Variants in PRR35 observed in about 807,000 individuals in gnomAD.
PRR35 encodes proline rich 35.
A neutral mutation model predicts 18.6 loss-of-function variants in PRR35; 14 were observed. The ratio of observed to expected loss-of-function variants is 0.75; its 90% CI spans 0.50 to 1.18. The LOEUF is 1.18. PRR35 is among the 50% of genes most tolerant of loss of function. PRR35 has a pLI of 0.00. For synonymous variants in PRR35, 425 were observed against 378.2 expected (o/e 1.12, Z -1.43); for missense variants, 832 against 792.2 (o/e 1.05, Z -0.60).
Position 564,175 on chromosome 16 carries a change from C to A in PRR35, c.881C>A (p.Ser294Tyr). 6.4e-7 allele frequency: 1 copy of A among 1,564,050 alleles called. No homozygotes were observed. The highest frequency in any genetic ancestry group is 1.2e-5 in the South Asian group (1 of 85,900). ...GCCCCTGTCTCCCCCAGGAGCCCCTCTGGGACTCCGGCTCCTGGCCTGCTG... is the reference window on the plus strand; with the variant it reads ...GCCCCTGTCTCCCCCAGGAGCCCCTATGGGACTCCGGCTCCTGGCCTGCTG... Reference protein sequence around the residue: ...AKAPVSPRSPSGTPAPGLLKV... With the variant: ...AKAPVSPRSPYGTPAPGLLKV... Residue 294 changes from serine to tyrosine, a missense_variant, in exon 2 of 3, where the codon TCT becomes TAT. Ser to Tyr is a moderately radical substitution (Grantham distance 144). Around this residue, in one of 3 missense-constraint regions of PRR35, gnomAD observed 768 missense variants for 704.1 expected, o/e 1.09. Transcript: ENST00000409413.
Position 564,290 on chromosome 16 carries a change from T to A in PRR35, c.996T>A (p.Ser332Arg). The change falls in exon 2 of 3, where the codon AGT becomes AGA. Residue 332 changes from serine to arginine, a missense_variant. Ser to Arg is a moderately radical substitution (Grantham distance 110). Around this residue, in one of 3 missense-constraint regions of PRR35, gnomAD observed 768 missense variants for 704.1 expected, o/e 1.09. Coordinates refer to ENST00000409413, the MANE Select transcript of PRR35 (RefSeq NM_145270.3). ...QEGELERAAQSDPRRRLSLGS... is the reference protein window; with the variant it reads ...QEGELERAAQRDPRRRLSLGS... ...GGGAGCTGGAGCGGGCAGCCCAGAG[T>A]GACCCCAGGAGGAGGCTGTCCCTGG... 6.3e-7 allele frequency: 1 copy of A among 1,576,980 alleles called. No individual in the cohort carries two copies. The highest frequency in any genetic ancestry group is 8.6e-7 in the Non-Finnish European group (1 of 1,166,362).
At chr16:560,850 A>G (rs1224549737) in intron 1 of PRR35, 189 bp downstream of exon 1, 2 of 82,958 alleles carry the variant, frequency 2.4e-5, no homozygotes, top group African/African-American at 5.2e-5. Flanking sequence ...CCAGGCGGGG[A>G]GGGCAGGGGC....
rs1209356907 is a variant in PRR35 at position 564,215 on chromosome 16, A to C, written c.921A>C (p.Pro307=). 3.8e-6 allele frequency: 6 copies of C among 1,569,970 alleles called. No homozygotes were observed. In the South Asian group the frequency reaches 6.9e-5, roughly 18 times the overall value. ...CTGGCCTGCTGAAGGTGCCAGTTCC[A>C]GGGCTGGGGCCCTGGCCCCGAGTCA... ...PAPGLLKVPV[P]GLGPWPRVTP... is the part of the protein sequence containing the mutation. The change falls in exon 2 of 3, where the codon CCA becomes CCC. Residue 307 remains proline, a synonymous_variant. Coordinates refer to ENST00000409413, the MANE Select transcript of PRR35 (RefSeq NM_145270.3).
At position 563,580 on chromosome 16, in the gene PRR35, T is replaced by G. The variant is rs189489979; in HGVS notation, c.286T>G (p.Ser96Ala). Residue 96 changes from serine (S) to alanine (A), a missense_variant, in exon 2 of 3, where the codon TCC becomes GCC. Ser to Ala is a moderately conservative substitution (Grantham distance 99). Transcript: ENST00000409413. ...ACCCACCCCAGACCGCCCTGGGGAG[T>G]CCGACCCCGGCAGGCAACCCCAGGG... ...HAPTPDRPGESDPGRQPQGAR... is the reference protein window; with the variant it reads ...HAPTPDRPGEADPGRQPQGAR... 355 of 1,602,094 alleles carry G rather than the reference T, an allele frequency of 2.2e-4. No homozygotes were observed. In the African/African-American group the frequency reaches 3.9e-3, roughly 18 times the overall value.
chr16:563,973 C>G lies in PRR35; in HGVS notation c.679C>G (p.Leu227Val), dbSNP rs969860548. Residue 227 changes from leucine to valine, a missense_variant, in exon 2 of 3, where the codon CTG becomes GTG. Leu to Val is a conservative substitution (Grantham distance 32, BLOSUM62 1). Transcript: ENST00000409413. ...PGLFSYLGPS[L>V]AAAAHVPFLA... ...CCTCTTCTCCTACTTGGGGCCCTCA[C>G]TGGCCGCTGCAGCCCATGTGCCCTT... 8.7e-6 allele frequency: 14 copies of G among 1,600,692 alleles called. No homozygotes were observed. In the South Asian group the frequency reaches 1.0e-4, roughly 12 times the overall value.
chr16:565,332 T>C lies in PRR35; in HGVS notation c.*25T>C. The C allele has an allele frequency of 6.9e-7, 1 of 1,446,508 alleles. No homozygotes were observed. The highest frequency in any genetic ancestry group is 9.1e-7 in the Non-Finnish European group (1 of 1,099,326). 89.6% of individuals were successfully genotyped at this position (1,446,508 alleles called of 1,614,324 possible). A position where few individuals can be genotyped will look rare whatever the true frequency, so the allele number is the denominator to read the frequency against. ...ACCTGCAGCGCCTGAGGTCTGACTG[T>C]CTCTGCCTGCAGCATGCCGGCCCCT... On this transcript the variant is annotated 3_prime_UTR_variant, in exon 3 of 3. Coordinates refer to ENST00000409413, the MANE Select transcript of PRR35 (RefSeq NM_145270.3).
rs1229878558 is a variant in PRR35, at chr16:564,669, C to T, written c.1083-5C>T. ...GCGGCCTCCTGACCAGCTTCCACCCCACAGCCTGCCCACCGGCTCCTCTGT... is the reference window on the plus strand; with the variant it reads ...GCGGCCTCCTGACCAGCTTCCACCCTACAGCCTGCCCACCGGCTCCTCTGT... On this transcript the variant is annotated splice_region_variant and splice_polypyrimidine_tract_variant and intron_variant, in intron 2 of 2. Transcript: ENST00000409413. The T allele has an allele frequency of 2.0e-6, 3 of 1,521,154 alleles. No homozygotes were observed. 94.2% of individuals were successfully genotyped at this position (1,521,154 alleles called of 1,614,324 possible). A position where few individuals can be genotyped will look rare whatever the true frequency, so the allele number is the denominator to read the frequency against.
rs1425040404 is a variant in PRR35, at chr16:564,713, C to T, written c.1122C>T (p.Asp374=). ...CCTCTGTGATGCTGTGGCCTGAGGA[C>T]GGGGATCCAGGCGGCCCTGAGACCC... ...TGSSVMLWPE[D]GDPGGPETPG... is the part of the protein sequence containing the mutation. Residue 374 remains aspartate, a synonymous_variant, in exon 3 of 3, where the codon GAC becomes GAT. Coordinates refer to ENST00000409413, the MANE Select transcript of PRR35 (RefSeq NM_145270.3). 3.9e-5 allele frequency: 60 copies of T among 1,533,568 alleles called. No homozygotes were observed. Among genetic ancestry groups the T allele is most frequent in the Non-Finnish European group, 5.0e-5 (57 of 1,146,342 alleles). 95.0% of individuals were successfully genotyped at this position (1,533,568 alleles called of 1,614,324 possible). A position where few individuals can be genotyped will look rare whatever the true frequency, so the allele number is the denominator to read the frequency against.
Position 563,522 on chromosome 16 carries a change from C to T in PRR35, c.228C>T (p.Cys76=), listed in dbSNP as rs1394478748. The part of the protein sequence containing the change: ...SLLLDSPDWA[C]RRGSTTPRPH... Reference sequence around the variant, plus strand: ...TGCTAGACTCCCCAGACTGGGCGTGCCGCCGTGGCTCCACCACGCCTAGGC... The same window carrying T: ...TGCTAGACTCCCCAGACTGGGCGTGTCGCCGTGGCTCCACCACGCCTAGGC... The change falls in exon 2 of 3, where the codon TGC becomes TGT. Residue 76 remains cysteine, a synonymous_variant. Coordinates refer to ENST00000409413, the MANE Select transcript of PRR35 (RefSeq NM_145270.3). The T allele has an allele frequency of 6.2e-7, 1 of 1,611,760 alleles. No individual in the cohort carries two copies.
chr16:561,387 T>C (rs763680899), intron 1 of PRR35, among the ~76,000 whole-genome samples: 18 of 152,102 alleles, frequency 1.2e-4, no homozygotes, highest in Non-Finnish European at 2.2e-4. Context: ...GGGTGATCGA[T>C]GGCCCGGCAC....
chr16:563,817 G>T lies in PRR35; in HGVS notation c.523G>T (p.Ala175Ser). 1 of 1,506,676 alleles carries T rather than the reference G, an allele frequency of 6.6e-7. No individual in the cohort carries two copies. 93.3% of individuals were successfully genotyped at this position (1,506,676 alleles called of 1,614,324 possible). ...GMGGDPRGVG[A>S]GDMASAGPEG... Reference sequence around the variant, plus strand: ...GGGAGGGGACCCAAGGGGCGTGGGTGCGGGGGACATGGCCTCAGCAGGCCC... The same window carrying T: ...GGGAGGGGACCCAAGGGGCGTGGGTTCGGGGGACATGGCCTCAGCAGGCCC... Residue 175 changes from alanine (A) to serine (S), a missense_variant, in exon 2 of 3, where the codon GCG becomes TCG. Ala to Ser is a moderately conservative substitution (Grantham distance 99, BLOSUM62 1). Coordinates refer to ENST00000409413, the MANE Select transcript of PRR35 (RefSeq NM_145270.3).
Position 563,906 on chromosome 16 carries a change from C to A in PRR35, c.612C>A (p.Leu204=). The A allele has an allele frequency of 6.3e-7, 1 of 1,589,002 alleles. No homozygotes were observed. Among genetic ancestry groups the A allele is most frequent in the East Asian group, 2.3e-5 (1 of 43,232 alleles). Residue 204 remains leucine, a synonymous_variant, in exon 2 of 3, where the codon CTC becomes CTA. Coordinates refer to ENST00000409413, the MANE Select transcript of PRR35 (RefSeq NM_145270.3). ...APGEFPEAHS[L]HLSLLGVNYP... ...GGGAGTTCCCTGAGGCCCACAGCCTCCACCTGTCTCTGCTGGGCGTCAACT... is the reference window on the plus strand; with the variant it reads ...GGGAGTTCCCTGAGGCCCACAGCCTACACCTGTCTCTGCTGGGCGTCAACT...
At chr16:561,623 C>T (rs1468074986) in intron 1 of PRR35, 32 of 591,508 alleles carry the variant, frequency 5.4e-5, no homozygotes, top group Admixed American at 3.2e-4. Flanking sequence ...CCCTGCAGCC[C>T]GTGACTGCCC....
rs764156179 is a variant in PRR35 at position 563,588 on chromosome 16, C to A, written c.294C>A (p.Pro98=). 4 of 1,598,434 alleles carry A rather than the reference C, an allele frequency of 2.5e-6. No homozygotes were observed. Among genetic ancestry groups the A allele is most frequent in the Middle Eastern group, 3.3e-4 (2 of 6,038 alleles). ...PTPDRPGESD[P]GRQPQGARPT... is the part of the protein sequence containing the mutation. ...CAGACCGCCCTGGGGAGTCCGACCC[C>A]GGCAGGCAACCCCAGGGAGCACGGC... Residue 98 remains proline (P), a synonymous_variant, in exon 2 of 3, where the codon CCC becomes CCA. Transcript: ENST00000409413.
Position 565,420 on chromosome 16 carries a change from GAC to G in PRR35, c.*114_*115del, listed in dbSNP as rs1215352380. On this transcript the variant is annotated 3_prime_UTR_variant, in exon 3 of 3. Transcript: ENST00000409413. ...CCCCGCCTCCGCATGCATGTGGATA[GAC>G]CCCCACGGGCCGTGGCCAACGCTTG... 5 of 1,166,604 alleles carry G rather than the reference GAC, an allele frequency of 4.3e-6. No homozygotes were observed. In the East Asian group the frequency reaches 1.4e-4, roughly 34 times the overall value. The allele number at this position is 1,166,604 out of a possible 1,614,324, so 72.3% of individuals were successfully genotyped here.
chr16:565,359 T>C lies in PRR35; in HGVS notation c.*52T>C, dbSNP rs2035522573. ...TCTGCCTGCAGCATGCCGGCCCCTC[T>C]CCTGCAGCCCCTGCCCCTCACCTGC... On this transcript the variant is annotated 3_prime_UTR_variant, in exon 3 of 3. Transcript: ENST00000409413. 12 of 1,411,694 alleles carry C rather than the reference T, an allele frequency of 8.5e-6. No homozygotes were observed. Among genetic ancestry groups the C allele is most frequent in the Non-Finnish European group, 1.1e-5 (12 of 1,079,104 alleles). The allele number at this position is 1,411,694 out of a possible 1,614,324, so 87.4% of individuals were successfully genotyped here. A position where few individuals can be genotyped will look rare whatever the true frequency, so the allele number is the denominator to read the frequency against.
chr16:563,117 G>A (rs2035468042), intron 1 of PRR35, 139 bp from the exon 2 acceptor site: 1 of 794,372 alleles, frequency 1.3e-6, no homozygotes, highest in South Asian at 2.3e-5. Context: ...TGGGGCTCGG[G>A]GGGCACGTTG....
At position 560,642 on chromosome 16, in the gene PRR35, CCGCTCCCGGCCGGG is replaced by C. The variant is rs374681946; in HGVS notation, c.-55_-42del. On this transcript the variant is annotated 5_prime_UTR_variant, in exon 1 of 3. Coordinates refer to ENST00000409413, the MANE Select transcript of PRR35 (RefSeq NM_145270.3). The stretch of plus-strand genomic sequence containing the variant: ...ACGCGGCCTCGCAGACTTGGCGGCT[CCGCTCCCGGCCGGG>C]CGCAGGTAGGAGCGGCGGGAGCCGC... 0.03 allele frequency: 29,967 copies of C among 983,216 alleles called. 786 individuals carry two copies. The highest frequency in any genetic ancestry group is 0.19 in the East Asian group (1,628 of 8,716). 60.9% of individuals were successfully genotyped at this position (983,216 alleles called of 1,614,324 possible). A position where few individuals can be genotyped will look rare whatever the true frequency, so the allele number is the denominator to read the frequency against.
At chr16:562,611 A>G (rs1450615519) in intron 1 of PRR35, among the ~76,000 whole-genome samples, 1 of 150,994 alleles carries the variant, frequency 6.6e-6, no homozygotes, top group Non-Finnish European at 1.5e-5. Context: ...ACACAGGCAC[A>G]CACACACACA....
Sources: allele counts gnomAD v4.1 joint callset (sites outside exome capture counted in the v4.1 genomes callset), GRCh38; gene constraint gnomAD v4.1.1; regional missense constraint gnomAD v4.1.1; transcripts MANE v1.5; gene names NCBI Gene and HGNC (gene_info 2026-07-23, HGNC 2026-07-21).